The following SLC2A12 variants were observed in gnomAD, a reference collection of about 807,000 sequenced individuals.
The protein encoded by SLC2A12 is solute carrier family 2 member 12.
In SLC2A12, 23 loss-of-function variants were observed where a neutral mutation model predicts 41.8. The observed-to-expected ratio is 0.55, with a 90% CI of 0.40 to 0.78. The LOEUF (loss-of-function observed/expected upper bound fraction) is 0.78, where lower values mean the gene tolerates loss of function less well. Among genes scored for constraint, SLC2A12 ranks in the 30% least tolerant of loss-of-function variants. The pLI is 0.00. For synonymous variants in SLC2A12, 295 were observed against 285.9 expected (o/e 1.03, Z -0.32); for missense variants, 654 against 745.6 (o/e 0.88, Z 1.43).
At chr6:134,052,325 A>G in intron 1 of SLC2A12, 53 bp downstream of exon 1, 2 of 1,391,224 alleles carry the variant, frequency 1.4e-6, no homozygotes, top group Non-Finnish European at 2.0e-6. Flanking sequence ...CACTCGGGAG[A>G]TGAGTACAGC....
chr6:134,005,714 T>C (rs1582600497), intron 3 of SLC2A12, among the ~76,000 whole-genome samples: 2 of 143,548 alleles, frequency 1.4e-5, no homozygotes, highest in African/African-American at 2.5e-5. Flanking sequence ...TCTGCTGCTC[T>C]CTATCCTTAA....
chr6:134,016,197 A>C (rs1428842934), intron 2 of SLC2A12, among the ~76,000 whole-genome samples: 1 of 152,042 alleles, frequency 6.6e-6, no homozygotes, highest in African/African-American at 2.4e-5. Flanking sequence ...AGTCTTGGAG[A>C]TAGAGATAGT....
chr6:133,991,303 T>C lies in SLC2A12; in HGVS notation c.1706A>G (p.Tyr569Cys). 6.2e-7 allele frequency: 1 copy of C among 1,612,982 alleles called. No individual in the cohort carries two copies. Among genetic ancestry groups the C allele is most frequent in the Non-Finnish European group, 8.5e-7 (1 of 1,179,738 alleles). ...CATAAAACAAATGTTGTTTTTCACA[T>C]AGTTCCTGAAAGAGAAAGAGGCACT... ...QISMELAKVN[Y>C]VKNNICFMSH... The change falls in exon 5 of 5, where the codon TAT (tyrosine) becomes TGT (cysteine). Residue 569 changes from tyrosine to cysteine, a missense_variant. Physicochemically the swap from Tyr to Cys is radical, Grantham distance 194. This residue lies in a region of SLC2A12 where 134 missense variants were observed against 180.5 expected (regional missense o/e 0.74). Coordinates refer to ENST00000275230, the MANE Select transcript of SLC2A12 (RefSeq NM_145176.3).
chr6:134,015,117 T>A (rs1044818494), intron 2 of SLC2A12, among the ~76,000 whole-genome samples: 1 of 152,234 alleles, frequency 6.6e-6, no homozygotes, highest in African/African-American at 2.4e-5. Context: ...GTGTAAATAT[T>A]GGTGATAACT....
chr6:134,047,081 A>G (rs1777464713), intron 1 of SLC2A12, among the ~76,000 whole-genome samples: 1 of 152,190 alleles, frequency 6.6e-6, no homozygotes, highest in South Asian at 2.1e-4. Context: ...CGCATTTGAT[A>G]TTTGGTCAAA....
At chr6:134,032,086 G>A (rs922403289) in intron 1 of SLC2A12, among the ~76,000 whole-genome samples, 1 of 152,030 alleles carries the variant, frequency 6.6e-6, no homozygotes, top group Non-Finnish European at 1.5e-5. Flanking sequence ...AGTTAAAAAT[G>A]CTATTCAGCT....
At chr6:134,032,449 A>ATATATTTATATAT in intron 1 of SLC2A12, among the ~76,000 whole-genome samples, 1 of 31,978 alleles carries the variant, frequency 3.1e-5, no homozygotes, top group African/African-American at 1.3e-4. Context: ...TATATATATA[A>ATATATTTATATAT]ATATATATAT....
At chr6:134,048,072 TG>T (rs1777483193) in intron 1 of SLC2A12, among the ~76,000 whole-genome samples, 1 of 152,196 alleles carries the variant, frequency 6.6e-6, no homozygotes, top group Admixed American at 6.5e-5. Context: ...TCTCCCACCA[TG>T]TTCGCAGCCT....
At chr6:134,015,081 T>C (rs1158962115) in intron 2 of SLC2A12, among the ~76,000 whole-genome samples, 2 of 152,180 alleles carry the variant, frequency 1.3e-5, no homozygotes, top group African/African-American at 4.8e-5. Flanking sequence ...TTTGACTTAA[T>C]TAGTTGAGAA....
intron 4 of SLC2A12, among the ~76,000 whole-genome samples, chr6:133,993,250 C>T (rs774240026): frequency 3.3e-5 from 5 of 152,190 alleles, no homozygotes; most frequent in Non-Finnish European, 7.3e-5. Flanking sequence ...CCACATTTGA[C>T]TCTAACCCCT....
In SLC2A12 at chr6:134,029,214, A is replaced by C; in HGVS notation, c.611T>G (p.Ile204Ser). 1 of 1,614,216 alleles carries C rather than the reference A, an allele frequency of 6.2e-7. No individual in the cohort carries two copies. The highest frequency in any genetic ancestry group is 8.5e-7 in the Non-Finnish European group (1 of 1,180,050). The change falls in exon 2 of 5, where the codon ATT (isoleucine) becomes AGT (serine). Residue 204 changes from isoleucine to serine, a missense_variant. By Grantham distance (142) the Ile-to-Ser change is moderately radical. Coordinates refer to ENST00000275230, the MANE Select transcript of SLC2A12 (RefSeq NM_145176.3). ...AATTGCTTGCAAAACTCCCAAGGGA[A>C]TCACAAGACCAAACATGTACTTCCA... Reference protein sequence around the residue: ...HGWKYMFGLVIPLGVLQAIAM... With the variant: ...HGWKYMFGLVSPLGVLQAIAM...
intron 2 of SLC2A12, among the ~76,000 whole-genome samples, chr6:134,013,012 A>ATT (rs760214031): frequency 1.6e-4 from 24 of 152,300 alleles, no homozygotes; most frequent in Admixed American, 1.2e-3. Context: ...AGAACAAGGT[A>ATT]TTTAATAGAA....
At chr6:134,014,807 C>T (rs1308994539) in intron 2 of SLC2A12, among the ~76,000 whole-genome samples, 15 of 152,190 alleles carry the variant, frequency 9.9e-5, no homozygotes, top group Admixed American at 9.8e-4. Context: ...ATTATGTGAG[C>T]AGTTGCCCAT....
At chr6:134,006,128 T>C (rs1168725497) in intron 3 of SLC2A12, among the ~76,000 whole-genome samples, 1 of 138,912 alleles carries the variant, frequency 7.2e-6, no homozygotes, top group African/African-American at 2.7e-5. Flanking sequence ...GCCGAGATCA[T>C]GCCTCATGCC....
In SLC2A12 at chr6:134,029,667, A is replaced by G. The variant is rs1777173725; in HGVS notation, c.158T>C (p.Leu53Pro). The change falls in exon 2 of 5, where the codon CTG (leucine) becomes CCG (proline). Residue 53 changes from leucine to proline, a missense_variant. Around this residue, in one of 3 missense-constraint regions of SLC2A12, gnomAD observed 109 missense variants for 153.0 expected, o/e 0.71. Coordinates refer to ENST00000275230, the MANE Select transcript of SLC2A12 (RefSeq NM_145176.3). ...GATGATCCCAAGTTCATAACCCACC[A>G]GGAGGCCACTGACAGCAGCAGTGAC... ...SSVTAAVSGL[L>P]VGYELGIISG... The G allele has an allele frequency of 1.2e-6, 2 of 1,611,896 alleles. No homozygotes were observed. Among genetic ancestry groups the G allele is most frequent in the South Asian group, 2.2e-5 (2 of 91,054 alleles).
chr6:134,043,958 C>T (rs1193126575), intron 1 of SLC2A12, among the ~76,000 whole-genome samples: 3 of 152,060 alleles, frequency 2.0e-5, no homozygotes, highest in Non-Finnish European at 4.4e-5. Flanking sequence ...CCTTTGTCAT[C>T]CTCTTTCCCT....
chr6:134,034,158 C>T (rs1407276015), intron 1 of SLC2A12, among the ~76,000 whole-genome samples: 1 of 152,044 alleles, frequency 6.6e-6, no homozygotes, highest in Non-Finnish European at 1.5e-5. Flanking sequence ...TTCTTGCTAT[C>T]CATCTTTCTA....
intron 1 of SLC2A12, among the ~76,000 whole-genome samples, chr6:134,032,997 C>T (rs1777243632): frequency 6.6e-6 from 1 of 151,282 alleles, no homozygotes; most frequent in South Asian, 2.1e-4. Context: ...GTATTTCAGG[C>T]CCAGGAGAAA....
rs146976145 is a variant in SLC2A12, at chr6:134,011,904, G to A, written c.1445-4970C>T. ...TAAAAATACAAAAAATTAGACAAGC[G>A]TGGTAGACAAGCCTGTAGCCCCAGC... On this transcript the variant is annotated intron_variant, in intron 2 of 4. Coordinates refer to ENST00000275230, the MANE Select transcript of SLC2A12 (RefSeq NM_145176.3). Among the ~76,000 whole-genome samples the A allele has an allele frequency of 7.0e-3, 1,060 of 151,900 alleles. 14 individuals carry two copies. Among genetic ancestry groups the A allele is most frequent in the Non-Finnish European group, 8.4e-3 (568 of 67,928 alleles).
Sources: gnomAD v4.1 joint callset for allele counts (sites outside exome capture counted in the v4.1 genomes callset) on GRCh38, gnomAD v4.1.1 for gene constraint, gnomAD v4.1.1 regional missense constraint, MANE v1.5 for transcripts, NCBI Gene and HGNC (gene_info 2026-07-23, HGNC 2026-07-21) for gene names.